Variants in ROBO1 observed in about 807,000 individuals in gnomAD.
The protein encoded by ROBO1 is roundabout guidance receptor 1.
Under a neutral mutation model 195.9 loss-of-function variants are expected in ROBO1, and 149 were observed. The ratio of observed to expected loss-of-function variants is 0.76; its 90% CI spans 0.67 to 0.87. The LOEUF (loss-of-function observed/expected upper bound fraction) is 0.87, where lower values mean the gene tolerates loss of function less well. ROBO1 is among the 40% of genes least tolerant of loss of function. The pLI is 0.00. For missense variants in ROBO1, 1,933 were observed against 2,068.3 expected (o/e 0.93, Z 1.27); for synonymous variants, 816 against 733.2 (o/e 1.11, Z -1.82).
chr3:78,630,107 T>C (rs1350718863), intron 25 of ROBO1, among the ~76,000 whole-genome samples: 2 of 152,200 alleles, frequency 1.3e-5, no homozygotes, highest in Non-Finnish European at 2.9e-5. Context: ...GCATGGCTTA[T>C]TGGGTTCCAT....
intron 3 of ROBO1, among the ~76,000 whole-genome samples, chr3:78,994,969 C>T (rs1489511266): frequency 6.6e-6 from 1 of 152,092 alleles, no homozygotes; most frequent in Non-Finnish European, 1.5e-5. Flanking sequence ...TACATTCAGC[C>T]TACCAGGACA....
chr3:78,909,374 G>A (rs1220202475), intron 4 of ROBO1, among the ~76,000 whole-genome samples: 1 of 151,774 alleles, frequency 6.6e-6, no homozygotes, highest in Non-Finnish European at 1.5e-5. Flanking sequence ...TTAGAAGTAT[G>A]TATTTAGTTG....
At chr3:78,683,046 CA>C (rs1357965238) in intron 10 of ROBO1, among the ~76,000 whole-genome samples, 2 of 151,916 alleles carry the variant, frequency 1.3e-5, no homozygotes, top group Non-Finnish European at 2.9e-5. Flanking sequence ...CAATAATGGA[CA>C]TATTTTTCTT....
At chr3:78,670,669 T>C (rs1708017527) in intron 10 of ROBO1, 1 of 162,012 alleles carries the variant, frequency 6.2e-6, no homozygotes, top group African/African-American at 2.4e-5. Flanking sequence ...AAAAAGACCA[T>C]TCCTCTCAAG....
intron 2 of ROBO1, among the ~76,000 whole-genome samples, chr3:79,156,069 T>C (rs2080852984): frequency 6.6e-6 from 1 of 151,708 alleles, no homozygotes; most frequent in Non-Finnish European, 1.5e-5. Flanking sequence ...CGTTCACTCC[T>C]AAACACCCTT....
At chr3:79,717,107 T>TA (rs773159094) in intron 1 of ROBO1, among the ~76,000 whole-genome samples, 49 of 151,942 alleles carry the variant, frequency 3.2e-4, no homozygotes, top group Non-Finnish European at 5.9e-4. Context: ...CCTCTTATCT[T>TA]AAAAAATTAG....
chr3:78,792,621 C>T (rs2084054966), intron 4 of ROBO1, among the ~76,000 whole-genome samples: 1 of 152,146 alleles, frequency 6.6e-6, no homozygotes, highest in Non-Finnish European at 1.5e-5. Flanking sequence ...GTACTCCATC[C>T]AGGACAAATC....
intron 3 of ROBO1, among the ~76,000 whole-genome samples, chr3:78,979,822 C>A (rs1408637252): frequency 1.3e-5 from 2 of 150,024 alleles, no homozygotes; most frequent in Admixed American, 6.6e-5. Flanking sequence ...AATACACACA[C>A]AAACACACAC....
At chr3:79,391,361 G>A (rs1178730234) in intron 2 of ROBO1, among the ~76,000 whole-genome samples, 2 of 152,064 alleles carry the variant, frequency 1.3e-5, no homozygotes, top group Middle Eastern at 3.4e-3. Context: ...TAACACAGAC[G>A]GAACAACTCT....
intron 2 of ROBO1, among the ~76,000 whole-genome samples, chr3:79,311,871 C>A (rs368160032): frequency 1.3e-5 from 2 of 152,134 alleles, no homozygotes; most frequent in East Asian, 3.9e-4. Flanking sequence ...TCAAGAGATA[C>A]TCTCTCTTAA....
chr3:78,661,367 C>T, intron 15 of ROBO1, 106 bp from the exon 16 acceptor site: 1 of 615,488 alleles, frequency 1.6e-6, no homozygotes, highest in South Asian at 4.2e-5. Context: ...TGTCTGGCTT[C>T]ATCCCACATT....
At chr3:79,123,284 A>G (rs2080154594) in intron 3 of ROBO1, among the ~76,000 whole-genome samples, 1 of 151,902 alleles carries the variant, frequency 6.6e-6, no homozygotes, top group Non-Finnish European at 1.5e-5. Flanking sequence ...TATCTACTCA[A>G]TTATCTGTGA....
intron 2 of ROBO1, among the ~76,000 whole-genome samples, chr3:79,422,154 T>C (rs1384939719): frequency 6.7e-6 from 1 of 148,396 alleles, no homozygotes; most frequent in Non-Finnish European, 1.5e-5. Context: ...TTATGTATTA[T>C]ATACAATACA....
At chr3:79,394,795 C>A (rs1345770470) in intron 2 of ROBO1, among the ~76,000 whole-genome samples, 3 of 152,038 alleles carry the variant, frequency 2.0e-5, no homozygotes, top group South Asian at 2.1e-4. Flanking sequence ...AGTGTTAAAA[C>A]AAAATAAAAT....
At chr3:78,948,860 G>A (rs199767075) in intron 3 of ROBO1, among the ~76,000 whole-genome samples, 143 of 152,056 alleles carry the variant, frequency 9.4e-4, no homozygotes, top group Middle Eastern at 3.4e-3. Flanking sequence ...ATTCTTATAC[G>A]CCAATAACAG....
intron 1 of ROBO1, among the ~76,000 whole-genome samples, chr3:79,592,525 T>C (rs1944036472): frequency 6.6e-6 from 1 of 151,876 alleles, no homozygotes; most frequent in African/African-American, 2.4e-5. Context: ...TACTTTGAAG[T>C]TTTGGTTTGC....
intron 10 of ROBO1, among the ~76,000 whole-genome samples, chr3:78,676,172 C>G (rs1215190033): frequency 6.6e-6 from 1 of 152,144 alleles, no homozygotes; most frequent in Admixed American, 6.6e-5. Flanking sequence ...AAAAACCCAT[C>G]TATACATCAC....
chr3:79,254,966 CA>C (rs930295986), intron 2 of ROBO1, among the ~76,000 whole-genome samples: 3 of 152,042 alleles, frequency 2.0e-5, no homozygotes, highest in African/African-American at 7.2e-5. Context: ...TCAAATGACA[CA>C]AAAAATGTGT....
intron 1 of ROBO1, among the ~76,000 whole-genome samples, chr3:79,682,566 C>T (rs866625991): frequency 6.6e-6 from 1 of 151,968 alleles, no homozygotes; most frequent in Admixed American, 6.6e-5. Flanking sequence ...AGAATATTCT[C>T]ATTACTTCTA....
Sources: allele counts gnomAD v4.1 joint callset (sites outside exome capture counted in the v4.1 genomes callset), GRCh38; gene constraint gnomAD v4.1.1; transcripts MANE v1.5; gene names NCBI Gene and HGNC (gene_info 2026-07-23, HGNC 2026-07-21).